KLF7: variants seen among roughly 807,000 people sequenced by gnomAD.
KLF7 encodes the protein KLF transcription factor 7.
KLF7 carries 2 observed loss-of-function variants against 27.3 expected under a neutral mutation model. The ratio of observed to expected loss-of-function variants is 0.07; its 90% CI spans 0.03 to 0.23. The LOEUF is 0.23. KLF7 is among the 10% of genes least tolerant of loss of function. The pLI is 1.00. For synonymous variants in KLF7, 165 were observed against 162.4 expected (o/e 1.02, Z -0.12); for missense variants, 221 against 394.1 (o/e 0.56, Z 3.72).
chr2:207,137,190 T>G (rs531036072), intron 1 of KLF7, among the ~76,000 whole-genome samples: 20 of 152,208 alleles, frequency 1.3e-4, no homozygotes, highest in Admixed American at 1.2e-3. Flanking sequence ...CCTAACAGGA[T>G]GTCCCTGAGA....
chr2:207,152,737 G>C (rs896637847), intron 1 of KLF7, among the ~76,000 whole-genome samples: 2 of 152,216 alleles, frequency 1.3e-5, no homozygotes, highest in Admixed American at 6.5e-5. Flanking sequence ...TTCTGGGTGA[G>C]AGCAGAAAGC....
intron 1 of KLF7, among the ~76,000 whole-genome samples, chr2:207,144,266 T>C (rs1427211048): frequency 6.6e-6 from 1 of 152,058 alleles, no homozygotes; most frequent in African/African-American, 2.4e-5. Flanking sequence ...TGAAAAGTCA[T>C]GTCAAGGGAC....
intron 2 of KLF7, among the ~76,000 whole-genome samples, chr2:207,117,392 T>C (rs1379171101): frequency 1.3e-5 from 2 of 152,242 alleles, no homozygotes; most frequent in Non-Finnish European, 2.9e-5. Flanking sequence ...TCTTAAGCTC[T>C]TGAATATGCT....
chr2:207,112,378 G>A (rs1574477001), intron 2 of KLF7, among the ~76,000 whole-genome samples: 1 of 152,238 alleles, frequency 6.6e-6, no homozygotes, highest in East Asian at 1.9e-4. Flanking sequence ...CCTATGCTAA[G>A]GGTACTTTAA....
Position 207,118,092 on chromosome 2 carries a change from T to C in KLF7, c.733+5682A>G, listed in dbSNP as rs376194903. On this transcript the variant is annotated intron_variant, in intron 2 of 3. Transcript: ENST00000309446. ...GTCAGGAGACATGGGTCCAATTTAA[T>C]TTCTAACAACAGGGACTTGCATAGC... Among the ~76,000 whole-genome samples the C allele has an allele frequency of 9.2e-4, 140 of 152,346 alleles. 1 individual carries two copies. The highest frequency in any genetic ancestry group is 3.3e-3 in the African/African-American group (139 of 41,572).
chr2:207,153,170 C>A (rs1018520352), intron 1 of KLF7, among the ~76,000 whole-genome samples: 2 of 151,964 alleles, frequency 1.3e-5, no homozygotes, highest in African/African-American at 4.8e-5. Context: ...TGTTACACAC[C>A]GAGATGATGT....
chr2:207,159,704 G>A (rs1165794022), intron 1 of KLF7, among the ~76,000 whole-genome samples: 1 of 152,190 alleles, frequency 6.6e-6, no homozygotes, highest in Non-Finnish European at 1.5e-5. Flanking sequence ...GTATCCCCCT[G>A]AAATCAGAAG....
intron 1 of KLF7, among the ~76,000 whole-genome samples, chr2:207,129,605 T>C (rs1458956551): frequency 2.0e-5 from 3 of 152,218 alleles, no homozygotes; most frequent in East Asian, 3.8e-4. Flanking sequence ...ATGCTTTTCA[T>C]AGCATTCTCA....
chr2:207,166,173 A>T, upstream of KLF7: 1 of 985,354 alleles, frequency 1.0e-6, no homozygotes. Context: ...GAGGGCGTCC[A>T]TTAGGCCGCG....
chr2:207,095,031 CTTTTTTTTTTT>C lies in KLF7; in HGVS notation c.734-6461_734-6451del, dbSNP rs36091471. ...AACATTTGCCCTATTTGTTTTTATTCTTTTTTTTTTTTTTTTTTTTTTTTTCTGAGACGGAG... is the reference window on the plus strand; with the variant it reads ...AACATTTGCCCTATTTGTTTTTATTCTTTTTTTTTTTTTTCTGAGACGGAG... On this transcript the variant is annotated intron_variant, in intron 2 of 3. Coordinates refer to ENST00000309446, the MANE Select transcript of KLF7 (RefSeq NM_003709.4). Among the ~76,000 whole-genome samples the C allele has an allele frequency of 1.0e-3, 84 of 82,434 alleles. 1 individual carries two copies. Among genetic ancestry groups the C allele is most frequent in the Non-Finnish European group, 1.4e-3 (65 of 46,454 alleles). The allele number at this position is 82,434 out of a possible 152,430, so 54.1% of individuals were successfully genotyped here. A position where few individuals can be genotyped will look rare whatever the true frequency, so the allele number is the denominator to read the frequency against.
At chr2:207,123,149 C>T (rs1422508630) in intron 2 of KLF7, among the ~76,000 whole-genome samples, 1 of 152,030 alleles carries the variant, frequency 6.6e-6, no homozygotes, top group Non-Finnish European at 1.5e-5. Context: ...TTGCCACACA[C>T]ATAGCAATGT....
At chr2:207,166,752 C>T (rs1448278719), upstream of KLF7, 4 of 978,028 alleles carry the variant, frequency 4.1e-6, no homozygotes, top group Non-Finnish European at 4.9e-6. Flanking sequence ...GAGGTCCTCA[C>T]GTACTCAAAA....
intron 1 of KLF7, among the ~76,000 whole-genome samples, chr2:207,156,959 C>T (rs1050277002): frequency 1.3e-5 from 2 of 152,156 alleles, no homozygotes; most frequent in East Asian, 3.9e-4. Flanking sequence ...GCTTTACAAA[C>T]ACTGATGCCC....
At chr2:207,084,822 A>G (rs1452430733) in intron 3 of KLF7, among the ~76,000 whole-genome samples, 1 of 152,168 alleles carries the variant, frequency 6.6e-6, no homozygotes, top group African/African-American at 2.4e-5. Context: ...AAATTTGTAC[A>G]TAATGGAGAA....
At chr2:207,085,164 G>GAAAAAAAAAAAAAAAAAAAAAA (rs1015691241) in intron 3 of KLF7, among the ~76,000 whole-genome samples, 1 of 22,986 alleles carries the variant, frequency 4.4e-5, no homozygotes, top group Non-Finnish European at 7.6e-5. Flanking sequence ...TGTCTCAAAT[G>GAAAAAAAAAAAAAAAAAAAAAA]AAAAAAAAAA....
intron 1 of KLF7, among the ~76,000 whole-genome samples, chr2:207,134,410 T>G (rs2077727441): frequency 6.6e-6 from 1 of 151,960 alleles, no homozygotes; most frequent in African/African-American, 2.4e-5. Context: ...CAGATGCAAT[T>G]TAGTGGCTGG....
At chr2:207,146,340 C>T (rs182665429) in intron 1 of KLF7, among the ~76,000 whole-genome samples, 69 of 152,302 alleles carry the variant, frequency 4.5e-4, no homozygotes, top group African/African-American at 1.6e-3. Flanking sequence ...TTAGATCACT[C>T]CCCTCCCCTG....
At chr2:207,150,115 CACAT>C (rs770258435) in intron 1 of KLF7, among the ~76,000 whole-genome samples, 1 of 152,112 alleles carries the variant, frequency 6.6e-6, no homozygotes, top group Non-Finnish European at 1.5e-5. Flanking sequence ...CAACCACACA[CACAT>C]ACAGACATAT....
chr2:207,118,330 C>A (rs374463111), intron 2 of KLF7, among the ~76,000 whole-genome samples: 1 of 152,168 alleles, frequency 6.6e-6, no homozygotes, highest in East Asian at 1.9e-4. Flanking sequence ...CGATAATAGG[C>A]CTGGAAATGG....
Sources: gnomAD v4.1 joint callset for allele counts (sites outside exome capture counted in the v4.1 genomes callset) on GRCh38, gnomAD v4.1.1 for gene constraint, MANE v1.5 for transcripts, NCBI Gene and HGNC (gene_info 2026-07-23, HGNC 2026-07-21) for gene names.